DEPDC5: variants seen among roughly 807,000 people sequenced by gnomAD.
DEPDC5 encodes the protein DEP domain containing 5, GATOR1 subcomplex subunit, also known as GATOR1 complex protein DEPDC5.
Under a neutral mutation model 217.3 loss-of-function variants are expected in DEPDC5, and 73 were observed. That is an observed-to-expected ratio of 0.34 (90% confidence interval 0.28 to 0.41). The LOEUF (loss-of-function observed/expected upper bound fraction) is 0.41. Ranked by LOEUF, DEPDC5 falls within the 10% of genes least tolerant of loss-of-function variation. DEPDC5 has a pLI of 1.00. For synonymous variants in DEPDC5, 733 were observed against 756.7 expected (o/e 0.97, Z 0.51); for missense variants, 1,675 against 2,070.1 (o/e 0.81, Z 3.70).
intron 38 of DEPDC5, among the ~76,000 whole-genome samples, chr22:31,886,330 C>G (rs1360357239): frequency 1.3e-5 from 2 of 152,174 alleles, no homozygotes; most frequent in African/African-American, 4.8e-5. Flanking sequence ...TTGACAGTTT[C>G]TATAGGAATA....
chr22:31,835,558 C>G (rs2090931094), intron 25 of DEPDC5, among the ~76,000 whole-genome samples: 1 of 152,162 alleles, frequency 6.6e-6, no homozygotes, highest in South Asian at 2.1e-4. Flanking sequence ...TCCTGAGGGT[C>G]AGAAGGCTGA....
chr22:31,815,244 G>C (rs1399704582), intron 21 of DEPDC5, 32 bp downstream of exon 21: 3 of 1,611,462 alleles, frequency 1.9e-6, no homozygotes, highest in Non-Finnish European at 2.5e-6. Flanking sequence ...CAGAGCCAGG[G>C]ACATCTTTCT....
At chr22:31,775,082 C>T (rs1052375866) in intron 7 of DEPDC5, among the ~76,000 whole-genome samples, 5 of 152,230 alleles carry the variant, frequency 3.3e-5, no homozygotes, top group African/African-American at 1.2e-4. Context: ...ATGGGGTAGA[C>T]CCAGAGGGAT....
At chr22:31,905,186 T>C (rs1366114590) in intron 41 of DEPDC5, among the ~76,000 whole-genome samples, 3 of 149,722 alleles carry the variant, frequency 2.0e-5, no homozygotes, top group Admixed American at 1.3e-4. Context: ...GGCGTTCCTC[T>C]TTTTTTTTCT....
chr22:31,798,502 AG>A, intron 13 of DEPDC5, 79 bp from the exon 14 acceptor site: 2 of 1,287,872 alleles, frequency 1.6e-6, no homozygotes, highest in Non-Finnish European at 2.1e-6. Flanking sequence ...TGGGTGACAC[AG>A]CAAGGCTTCG....
intron 11 of DEPDC5, among the ~76,000 whole-genome samples, chr22:31,792,306 C>T (rs1312324453): frequency 1.3e-5 from 2 of 151,972 alleles, no homozygotes; most frequent in Non-Finnish European, 2.9e-5. Context: ...TTAAAACCAA[C>T]TTAATAGATA....
chr22:31,839,950 G>A (rs2091287304), intron 27 of DEPDC5, among the ~76,000 whole-genome samples: 1 of 152,022 alleles, frequency 6.6e-6, no homozygotes, highest in South Asian at 2.1e-4. Context: ...AGGCAATGTA[G>A]GGAGACCCTG....
chr22:31,877,489 C>T (rs1303602486), intron 37 of DEPDC5, among the ~76,000 whole-genome samples: 8 of 137,050 alleles, frequency 5.8e-5, no homozygotes, highest in Non-Finnish European at 1.2e-4. Context: ...CAGTGGCTCA[C>T]GCTTGTAATC....
chr22:31,876,744 GT>G (rs1295326116), intron 37 of DEPDC5, among the ~76,000 whole-genome samples: 5 of 151,892 alleles, frequency 3.3e-5, no homozygotes, highest in East Asian at 1.9e-4. Context: ...TATCTGTGGG[GT>G]TTTTTTTCTT....
Position 31,897,635 on chromosome 22 carries a change from A to G in DEPDC5, c.4357A>G (p.Ser1453Gly). ...CATCAGCTGCTTGCTCAAGGAGGGCAGCGAGCACCTGTTTGATAGTAAGAA... is the reference window on the plus strand; with the variant it reads ...CATCAGCTGCTTGCTCAAGGAGGGCGGCGAGCACCTGTTTGATAGTAAGAA... The part of the protein sequence containing the change: ...LNISCLLKEG[S>G]EHLFDSFEPE... Residue 1453 changes from serine (S) to glycine (G), a missense_variant, in exon 40 of 43, where the codon AGC becomes GGC. By Grantham distance (56) the Ser-to-Gly change is moderately conservative. This residue lies in a region of DEPDC5 where 182 missense variants were observed against 290.1 expected (regional missense o/e 0.63). Coordinates refer to ENST00000651528, the MANE Select transcript of DEPDC5 (RefSeq NM_001242896.3). 6.2e-7 allele frequency: 1 copy of G among 1,614,072 alleles called. No homozygotes were observed. The highest frequency in any genetic ancestry group is 8.5e-7 in the Non-Finnish European group (1 of 1,180,004).
At chr22:31,899,074 A>G (rs1003993763) in intron 40 of DEPDC5, among the ~76,000 whole-genome samples, 3 of 152,246 alleles carry the variant, frequency 2.0e-5, no homozygotes, top group Admixed American at 2.0e-4. Context: ...CACCTTTGCT[A>G]TAACAGCACA....
chr22:31,805,042 T>C, intron 17 of DEPDC5, 127 bp downstream of exon 17: 1 of 841,096 alleles, frequency 1.2e-6, no homozygotes, highest in Non-Finnish European at 1.9e-6. Context: ...GGAAACCAAG[T>C]TCTAACATTT....
intron 38 of DEPDC5, among the ~76,000 whole-genome samples, chr22:31,887,988 T>G (rs1403609578): frequency 6.6e-6 from 1 of 152,336 alleles, no homozygotes; most frequent in Non-Finnish European, 1.5e-5. Context: ...TTGTTTTTTG[T>G]TTCAACATGT....
At chr22:31,903,089 C>G (rs1298474737) in intron 41 of DEPDC5, among the ~76,000 whole-genome samples, 1 of 151,762 alleles carries the variant, frequency 6.6e-6, no homozygotes, top group Non-Finnish European at 1.5e-5. Flanking sequence ...TCTGACCAGT[C>G]CTCTGCATCA....
At position 31,893,242 on chromosome 22, in the gene DEPDC5, T is replaced by C. The variant is rs114099563; in HGVS notation, c.4034-340T>C. ...GTATCTAACATGATATCCTACAGAA[T>C]AGTTTAACCGCCCTAAAACTCAGTC... On this transcript the variant is annotated intron_variant, in intron 38 of 42. Coordinates refer to ENST00000651528, the MANE Select transcript of DEPDC5 (RefSeq NM_001242896.3). Among the ~76,000 whole-genome samples, 479 of 152,252 alleles carry C rather than the reference T, an allele frequency of 3.1e-3. 4 individuals carry two copies. Among genetic ancestry groups the C allele is most frequent in the African/African-American group, 0.011 (465 of 41,550 alleles).
At chr22:31,837,925 A>AC (rs1266232844) in intron 26 of DEPDC5, among the ~76,000 whole-genome samples, 1 of 151,594 alleles carries the variant, frequency 6.6e-6, no homozygotes, top group African/African-American at 2.4e-5. Flanking sequence ...CTGGTCTCGA[A>AC]CTCATGACCT....
At chr22:31,879,497 C>G (rs1209655964) in intron 37 of DEPDC5, 28 bp from the exon 38 acceptor site, 3 of 1,594,946 alleles carry the variant, frequency 1.9e-6, no homozygotes, top group African/African-American at 1.3e-5. Flanking sequence ...GTGTTGAGTA[C>G]TCCTTCTCTC....
chr22:31,797,805 G>A (rs1349509211), intron 13 of DEPDC5, 102 bp downstream of exon 13: 5 of 887,404 alleles, frequency 5.6e-6, no homozygotes, highest in South Asian at 2.9e-5. Context: ...CCATTGCCGT[G>A]TGTAGTTTCT....
intron 41 of DEPDC5, among the ~76,000 whole-genome samples, chr22:31,902,128 G>A (rs1334325781): frequency 6.6e-6 from 1 of 152,068 alleles, no homozygotes; most frequent in Non-Finnish European, 1.5e-5. Context: ...ATTAAAAAAT[G>A]TGTCAAGAGC....
Sources: gnomAD v4.1 joint callset for allele counts (sites outside exome capture counted in the v4.1 genomes callset) on GRCh38, gnomAD v4.1.1 for gene constraint, gnomAD v4.1.1 regional missense constraint, MANE v1.5 for transcripts, NCBI Gene and HGNC (gene_info 2026-07-23, HGNC 2026-07-21) for gene names.